The following SYT16 variants were observed in gnomAD, a reference collection of about 807,000 sequenced individuals.
SYT16 encodes synaptotagmin 16, also known as synaptotagmin-16.
Under a neutral mutation model 61.4 loss-of-function variants are expected in SYT16, and 42 were observed. That is an observed-to-expected ratio of 0.68 (90% confidence interval 0.53 to 0.89). The LOEUF is 0.89. Among genes scored for constraint, SYT16 ranks in the 40% least tolerant of loss-of-function variants. The pLI, the probability that SYT16 is intolerant of heterozygous loss-of-function variation, is 0.00. For missense variants in SYT16, 804 were observed against 807.3 expected (o/e 1.00, Z 0.05); for synonymous variants, 314 against 302.3 (o/e 1.04, Z -0.40).
At chr14:61,984,250 A>G (rs2140574259) in intron 2 of SYT16, among the ~76,000 whole-genome samples, 1 of 152,122 alleles carries the variant, frequency 6.6e-6, no homozygotes, top group South Asian at 2.1e-4. Context: ...GTCCTTTTAA[A>G]TTTTTATTTT....
chr14:62,065,072 A>G (rs2056002620), intron 3 of SYT16, among the ~76,000 whole-genome samples: 1 of 152,180 alleles, frequency 6.6e-6, no homozygotes. Context: ...CATCTACACT[A>G]CTACTGCCCT....
chr14:61,921,723 C>G (rs1338806611), intron 1 of SYT16, among the ~76,000 whole-genome samples: 2 of 152,172 alleles, frequency 1.3e-5, no homozygotes, highest in Non-Finnish European at 1.5e-5. Flanking sequence ...CTCAAGCCAG[C>G]TACACTGCTA....
intron 1 of SYT16, among the ~76,000 whole-genome samples, chr14:61,902,040 G>A (rs897931965): frequency 2.0e-5 from 3 of 152,124 alleles, no homozygotes; most frequent in African/African-American, 4.8e-5. Flanking sequence ...TGAGACTATA[G>A]GGGTGAGCCA....
At chr14:61,949,699 G>C (rs1443437505) in intron 1 of SYT16, among the ~76,000 whole-genome samples, 7 of 152,156 alleles carry the variant, frequency 4.6e-5, no homozygotes, top group Non-Finnish European at 1.0e-4. Context: ...GCGGCAATAG[G>C]TGAGGCTCAG....
intron 1 of SYT16, among the ~76,000 whole-genome samples, chr14:61,966,564 A>G (rs1595039021): frequency 6.6e-6 from 1 of 152,320 alleles, no homozygotes; most frequent in East Asian, 1.9e-4. Flanking sequence ...CCATGTAGAT[A>G]AAGTGACTGA....
chr14:62,017,749 C>T (rs1354070578), intron 3 of SYT16, among the ~76,000 whole-genome samples: 4 of 148,478 alleles, frequency 2.7e-5, no homozygotes, highest in African/African-American at 5.0e-5. Context: ...GAAATGAGGT[C>T]TTATGCTGTC....
intron 1 of SYT16, among the ~76,000 whole-genome samples, chr14:61,938,656 G>C (rs2050085943): frequency 1.3e-5 from 2 of 152,006 alleles, no homozygotes; most frequent in Non-Finnish European, 2.9e-5. Flanking sequence ...GACAAGCAAA[G>C]GAATTTGGGC....
chr14:61,999,461 T>G (rs573774971), intron 3 of SYT16, among the ~76,000 whole-genome samples: 166 of 151,964 alleles, frequency 1.1e-3, no homozygotes, highest in African/African-American at 3.9e-3. Context: ...CTCCCTTTAT[T>G]TCCTGATATT....
rs1405896328 is a variant in SYT16 at position 61,996,050 on chromosome 14, C to T, written c.31C>T (p.Gln11Ter). 1 of 1,606,472 alleles carries T rather than the reference C, an allele frequency of 6.2e-7. No homozygotes were observed. Residue 11 changes from glutamine to a stop codon, truncating the protein, a stop_gained, in exon 3 of 8, where the codon CAG (glutamine) becomes TAG (stop). Transcript: ENST00000683842. LOFTEE classifies it high-confidence loss of function. MVLAMASQDV[Q>*]NFFQPFSSWI... Reference sequence around the variant, plus strand: ...GTTGGCCATGGCGTCTCAGGATGTTCAGAACTTCTTCCAGCCTTTCTCTTC... The same window carrying T: ...GTTGGCCATGGCGTCTCAGGATGTTTAGAACTTCTTCCAGCCTTTCTCTTC...
chr14:61,858,655 T>C (rs1202482312), intron 1 of SYT16, among the ~76,000 whole-genome samples: 1 of 152,124 alleles, frequency 6.6e-6, no homozygotes, highest in Non-Finnish European at 1.5e-5. Context: ...ACAAAAAAAT[T>C]AGTACGTGAA....
intron 3 of SYT16, among the ~76,000 whole-genome samples, chr14:62,025,384 T>C (rs914810021): frequency 6.6e-6 from 1 of 152,134 alleles, no homozygotes; most frequent in African/African-American, 2.4e-5. Context: ...TTATTTGCCA[T>C]TGGTATATAT....
chr14:61,833,786 G>T (rs1268580160), intron 1 of SYT16, among the ~76,000 whole-genome samples: 1 of 134,562 alleles, frequency 7.4e-6, no homozygotes, highest in Non-Finnish European at 1.5e-5. Flanking sequence ...CTCTTTCTTT[G>T]CGCTAGCGAG....
intron 3 of SYT16, among the ~76,000 whole-genome samples, chr14:62,022,671 CT>C (rs1280060352): frequency 6.6e-6 from 1 of 151,882 alleles, no homozygotes; most frequent in Non-Finnish European, 1.5e-5. Flanking sequence ...ACTATTTGTG[CT>C]TTTTTTACTA....
intron 3 of SYT16, among the ~76,000 whole-genome samples, chr14:62,032,434 T>C (rs2054342717): frequency 6.6e-6 from 1 of 152,056 alleles, no homozygotes. Context: ...TTTTCTTGAC[T>C]CCTGCAAGCA....
intron 1 of SYT16, among the ~76,000 whole-genome samples, chr14:61,946,751 G>A (rs991383410): frequency 2.0e-5 from 3 of 152,114 alleles, no homozygotes; most frequent in African/African-American, 7.2e-5. Flanking sequence ...GTCCTATTCT[G>A]TGGGGCAGAG....
rs773266934 is a variant in SYT16, at chr14:62,084,246, T to C, written c.1485T>C (p.Thr495=). ...SPSAVSHSDS[T]SSTQSLSHGG... ...CTGCGGTTTCTCACAGTGATAGTAC[T>C]TCATCCACGCAGTCGCTGTCTCATG... Residue 495 remains threonine (T), a synonymous_variant, in exon 7 of 8, where the codon ACT becomes ACC. Transcript: ENST00000683842. 2.5e-6 allele frequency: 4 copies of C among 1,613,946 alleles called. No homozygotes were observed. The highest frequency in any genetic ancestry group is 3.4e-6 in the Non-Finnish European group (4 of 1,179,868).
At chr14:62,079,381 C>G in intron 5 of SYT16, 1 of 1,228,304 alleles carries the variant, frequency 8.1e-7, no homozygotes, top group African/African-American at 1.6e-5. Context: ...TATTAGATGT[C>G]TACTGTCTGT....
rs555236416 is a variant in SYT16, at chr14:62,094,127, C to G, written c.1625-6267C>G. Reference sequence around the variant, plus strand: ...ACTTCTCATATTCCATTTTTCAGAACTCAGTCACATGGCTCAGATAATTCA... The same window carrying G: ...ACTTCTCATATTCCATTTTTCAGAAGTCAGTCACATGGCTCAGATAATTCA... On this transcript the variant is annotated intron_variant, in intron 7 of 7. Coordinates refer to ENST00000683842, the MANE Select transcript of SYT16 (RefSeq NM_001367656.1). Among the ~76,000 whole-genome samples, 145 of 152,180 alleles carry G rather than the reference C, an allele frequency of 9.5e-4. 2 individuals carry two copies. In the South Asian group the frequency reaches 0.029, roughly 30 times the overall value.
chr14:62,049,503 A>G (rs1356666858), intron 3 of SYT16, among the ~76,000 whole-genome samples: 2 of 152,164 alleles, frequency 1.3e-5, no homozygotes, highest in Non-Finnish European at 2.9e-5. Flanking sequence ...TTATGTGTGA[A>G]TTTGATCCTG....
Sources: allele counts gnomAD v4.1 joint callset (sites outside exome capture counted in the v4.1 genomes callset), GRCh38; gene constraint gnomAD v4.1.1; transcripts MANE v1.5; gene names NCBI Gene and HGNC (gene_info 2026-07-23, HGNC 2026-07-21).